Variants in AKT3 observed in about 807,000 individuals in gnomAD.
AKT3 encodes RAC-gamma serine/threonine-protein kinase.
Under a neutral mutation model 65.3 loss-of-function variants are expected in AKT3, and 15 were observed. The ratio of observed to expected loss-of-function variants is 0.23; its 90% confidence interval spans 0.15 to 0.35. AKT3 has a LOEUF of 0.35. AKT3 is among the 10% of genes least tolerant of loss of function. The probability of loss-of-function intolerance (pLI) is 1.00; values close to 1 mark genes in which losing one functional copy is unlikely to be tolerated. For missense variants in AKT3, 243 were observed against 576.5 expected (o/e 0.42, Z 5.92); for synonymous variants, 206 against 183.8 (o/e 1.12, Z -0.98).
At chr1:243,832,019 G>C (rs1378668801) in intron 2 of AKT3, among the ~76,000 whole-genome samples, 1 of 150,410 alleles carries the variant, frequency 6.6e-6, no homozygotes, top group Non-Finnish European at 1.5e-5. Flanking sequence ...AGTGGCTCCT[G>C]CCTGTAATCC....
intron 12 of AKT3, among the ~76,000 whole-genome samples, chr1:243,531,774 C>T (rs1671547845): frequency 6.6e-6 from 1 of 151,898 alleles, no homozygotes; most frequent in East Asian, 1.9e-4. Context: ...TCATTTATGT[C>T]TTCTTTTATT....
intron 9 of AKT3, among the ~76,000 whole-genome samples, chr1:243,566,631 A>C (rs1199926343): frequency 1.3e-5 from 2 of 152,134 alleles, no homozygotes; most frequent in African/African-American, 2.4e-5. Flanking sequence ...TTAAAATTTG[A>C]GCTTTATCCC....
rs183403785 is a variant in AKT3 at position 243,560,491 on chromosome 1, C to T, written c.948+3229G>A. ...ATTTAAAATATAAAAGTTACAATTT[C>T]GTAAGTTGTTTCAAGATTTCTCATA... is the stretch of plus-strand genomic sequence containing the variant. On this transcript the variant is annotated intron_variant, in intron 10 of 13. Transcript: ENST00000673466. Among the ~76,000 whole-genome samples the T allele has an allele frequency of 1.5e-4, 23 of 152,118 alleles. No homozygotes were observed. The East Asian group carries it at 3.7e-3, about 24-fold the overall frequency.
intron 10 of AKT3, among the ~76,000 whole-genome samples, chr1:243,553,484 CT>C (rs1410663737): frequency 1.3e-5 from 2 of 152,108 alleles, no homozygotes; most frequent in Admixed American, 1.3e-4. Context: ...TTTGAAAAAC[CT>C]TTGGATGCCC....
intron 2 of AKT3, among the ~76,000 whole-genome samples, chr1:243,839,187 T>C (rs1043549739): frequency 6.6e-6 from 1 of 152,166 alleles, no homozygotes; most frequent in African/African-American, 2.4e-5. Context: ...ATTTAGACCT[T>C]TTAAACTGGC....
chr1:243,552,579 T>C (rs980547709), intron 11 of AKT3, 150 bp downstream of exon 11: 8 of 712,422 alleles, frequency 1.1e-5, no homozygotes, highest in Non-Finnish European at 1.9e-5. Flanking sequence ...TGTTCTATAT[T>C]ATGCAGTTAA....
intron 2 of AKT3, among the ~76,000 whole-genome samples, chr1:243,751,054 GC>G (rs1204171260): frequency 1.3e-5 from 2 of 152,028 alleles, no homozygotes; most frequent in Non-Finnish European, 2.9e-5. Flanking sequence ...CTAATTCTGA[GC>G]TAACTGGCCC....
At chr1:243,567,543 G>C (rs1674258094) in intron 9 of AKT3, among the ~76,000 whole-genome samples, 1 of 144,602 alleles carries the variant, frequency 6.9e-6, no homozygotes, top group Non-Finnish European at 1.5e-5. Context: ...TGCCCAGGCT[G>C]GTCCCGAACT....
chr1:243,541,419 G>A (rs1672310111), intron 12 of AKT3, among the ~76,000 whole-genome samples: 1 of 141,232 alleles, frequency 7.1e-6, no homozygotes, highest in Admixed American at 6.7e-5. Context: ...CTGTTTTCTA[G>A]GTCTTGCCTT....
At chr1:243,725,183 C>T (rs1266419472) in intron 2 of AKT3, among the ~76,000 whole-genome samples, 1 of 150,130 alleles carries the variant, frequency 6.7e-6, no homozygotes, top group Non-Finnish European at 1.5e-5. Context: ...AGAGACAGAG[C>T]GAGCCTTGTC....
chr1:243,527,171 A>G (rs2148402405), intron 12 of AKT3, among the ~76,000 whole-genome samples: 1 of 152,340 alleles, frequency 6.6e-6, no homozygotes, highest in South Asian at 2.1e-4. Context: ...AGGCCCTTTC[A>G]GAGGAGACAT....
intron 2 of AKT3, among the ~76,000 whole-genome samples, chr1:243,730,944 C>G (rs948646703): frequency 6.6e-6 from 1 of 152,224 alleles, no homozygotes; most frequent in Non-Finnish European, 1.5e-5. Flanking sequence ...TGTTAGCTCT[C>G]TCACACACCC....
intron 12 of AKT3, among the ~76,000 whole-genome samples, chr1:243,527,297 G>A (rs1422577286): frequency 6.6e-6 from 1 of 152,036 alleles, no homozygotes; most frequent in African/African-American, 2.4e-5. Flanking sequence ...AAACTATAAA[G>A]TACCTAAATT....
intron 12 of AKT3, among the ~76,000 whole-genome samples, chr1:243,538,064 T>C (rs796154570): frequency 5.3e-5 from 8 of 152,296 alleles, no homozygotes; most frequent in African/African-American, 1.9e-4. Context: ...ATGGTTAATG[T>C]GTAGCATTTT....
intron 5 of AKT3, among the ~76,000 whole-genome samples, chr1:243,642,515 TAGCC>T (rs1387798146): frequency 6.6e-6 from 1 of 152,114 alleles, no homozygotes; most frequent in Non-Finnish European, 1.5e-5. Flanking sequence ...TTCACCGTGT[TAGCC>T]AGGATGGTCT....
chr1:243,850,968 G>A (rs1028284113), upstream of AKT3: 1 of 152,224 alleles, frequency 6.6e-6, no homozygotes, highest in East Asian at 1.9e-4. Context: ...GGCCGCGGAC[G>A]CGCGCGCCGC....
intron 2 of AKT3, among the ~76,000 whole-genome samples, chr1:243,807,046 T>C (rs1327322862): frequency 2.6e-5 from 4 of 151,940 alleles, no homozygotes; most frequent in Non-Finnish European, 5.9e-5. Flanking sequence ...ATGAGAAAAA[T>C]AGGGAGCAGT....
chr1:243,598,048 G>A (rs944385178), intron 8 of AKT3, among the ~76,000 whole-genome samples: 1 of 152,032 alleles, frequency 6.6e-6, no homozygotes, highest in Admixed American at 6.6e-5. Flanking sequence ...TAAATTTAAT[G>A]CTCTATTTTT....
At chr1:243,804,777 G>T (rs1692621672) in intron 2 of AKT3, among the ~76,000 whole-genome samples, 1 of 151,898 alleles carries the variant, frequency 6.6e-6, no homozygotes, top group Middle Eastern at 3.4e-3. Context: ...AACCTGGGAG[G>T]TGGAGCTTGT....
Sources: allele counts gnomAD v4.1 joint callset (sites outside exome capture counted in the v4.1 genomes callset), GRCh38; gene constraint gnomAD v4.1.1; transcripts MANE v1.5; gene names NCBI Gene and HGNC (gene_info 2026-07-23, HGNC 2026-07-21).